The following SUCLG2 variants were observed in gnomAD, a reference collection of about 807,000 sequenced individuals.
SUCLG2 encodes succinate--CoA ligase [GDP-forming] subunit beta, mitochondrial.
A neutral mutation model predicts 47.9 loss-of-function variants in SUCLG2; 42 were observed. That is an observed-to-expected ratio of 0.88 (90% CI 0.69 to 1.14). The LOEUF is 1.14. Among genes scored for constraint, SUCLG2 ranks in the 50% most tolerant of loss-of-function variants. The pLI is 0.00. For synonymous variants in SUCLG2, 195 were observed against 197.3 expected (o/e 0.99, Z 0.10); for missense variants, 571 against 525.9 (o/e 1.09, Z -0.84).
intron 2 of SUCLG2, among the ~76,000 whole-genome samples, chr3:67,563,053 CTATT>C (rs1218357528): frequency 6.7e-6 from 1 of 149,722 alleles, no homozygotes; most frequent in African/African-American, 2.4e-5. Context: ...GATTTACATT[CTATT>C]TATTATTTTA....
chr3:67,434,368 A>T (rs13069994), intron 9 of SUCLG2, among the ~76,000 whole-genome samples: 5,108 of 152,276 alleles, frequency 0.034, 113 homozygotes, highest in African/African-American at 0.058. Context: ...TCTACAAAAA[A>T]TGAAAAACAT....
rs537539869 is a variant in SUCLG2, at chr3:67,607,190, T to C, written c.226+2265A>G. ...CATGCAAATCCTTCTAGTGTCCAAATGTGCACTGTCCTAGATGGTAGCCAC... is the reference window on the plus strand; with the variant it reads ...CATGCAAATCCTTCTAGTGTCCAAACGTGCACTGTCCTAGATGGTAGCCAC... On this transcript the variant is annotated intron_variant, in intron 2 of 10. Coordinates refer to ENST00000307227, the MANE Select transcript of SUCLG2 (RefSeq NM_003848.4). 1.3e-4 allele frequency among the ~76,000 whole-genome samples: 20 copies of C among 152,278 alleles called. No individual in the cohort carries two copies. The South Asian group carries it at 2.7e-3, about 21-fold the overall frequency.
rs750956324 is a variant in SUCLG2, at chr3:67,446,417, A to ATTT, written c.1063-45569_1063-45567dup. On this transcript the variant is annotated intron_variant, in intron 9 of 10. Transcript: ENST00000307227. ...GGTATCTAAATATGTACATATGTAC[A>ATTT]TTTTTTTTTTTTTTTTTTTTTTTTT... is the stretch of plus-strand genomic sequence containing the variant. Among the ~76,000 whole-genome samples the ATTT allele has an allele frequency of 6.8e-4, 22 of 32,196 alleles. 2 individuals are homozygous for ATTT. The highest frequency in any genetic ancestry group is 1.6e-3 in the African/African-American group (12 of 7,662). 21.1% of individuals were successfully genotyped at this position (32,196 alleles called of 152,430 possible).
Position 67,615,017 on chromosome 3 carries a change from G to T in SUCLG2, c.85-5421C>A, listed in dbSNP as rs143900375. Among the ~76,000 whole-genome samples, 216 of 152,200 alleles carry T rather than the reference G, an allele frequency of 1.4e-3. 3 individuals are homozygous for T. Among genetic ancestry groups the T allele is most frequent in the African/African-American group, 5.1e-3 (210 of 41,518 alleles). Reference sequence around the variant, plus strand: ...CCTTGCCATCATTCCCTTCCTTCCTGCGTTTCTTTGATAGAGCAAACATTT... The same window carrying T: ...CCTTGCCATCATTCCCTTCCTTCCTTCGTTTCTTTGATAGAGCAAACATTT... On this transcript the variant is annotated intron_variant, in intron 1 of 10. Transcript: ENST00000307227.
At chr3:67,642,192 T>C (rs1701113358) in intron 1 of SUCLG2, among the ~76,000 whole-genome samples, 1 of 152,174 alleles carries the variant, frequency 6.6e-6, no homozygotes, top group Admixed American at 6.5e-5. Context: ...ATTCCACCCA[T>C]TATCAGGCAT....
chr3:67,398,671 G>T (rs572573739), intron 10 of SUCLG2, among the ~76,000 whole-genome samples: 1 of 152,220 alleles, frequency 6.6e-6, no homozygotes, highest in African/African-American at 2.4e-5. Flanking sequence ...CCATTACTGG[G>T]TATATACCCA....
chr3:67,394,006 C>T (rs1020384169), intron 10 of SUCLG2, among the ~76,000 whole-genome samples: 7 of 151,962 alleles, frequency 4.6e-5, no homozygotes, highest in African/African-American at 9.7e-5. Flanking sequence ...GACATCCACA[C>T]CAAAAACCCA....
At chr3:67,442,008 CTTTCT>C (rs1434741757) in intron 9 of SUCLG2, among the ~76,000 whole-genome samples, 3 of 147,516 alleles carry the variant, frequency 2.0e-5, no homozygotes, top group Non-Finnish European at 4.5e-5. Flanking sequence ...TGTCTACTTT[CTTTCT>C]TTTTTTTTTT....
At chr3:67,399,080 G>A (rs1192280537) in intron 10 of SUCLG2, among the ~76,000 whole-genome samples, 1 of 150,222 alleles carries the variant, frequency 6.7e-6, no homozygotes, top group Non-Finnish European at 1.5e-5. Flanking sequence ...TAAATGACGA[G>A]TTAATCGGTG....
intron 9 of SUCLG2, among the ~76,000 whole-genome samples, chr3:67,476,005 C>CTCTCTCTCTCTCTCT (rs1553648322): frequency 7.2e-5 from 11 of 152,046 alleles, no homozygotes; most frequent in African/African-American, 2.4e-4. Flanking sequence ...CTCTCTCTCT[C>CTCTCTCTCTCTCTCT]TCTCTCTCAC....
intron 9 of SUCLG2, among the ~76,000 whole-genome samples, chr3:67,428,063 C>T (rs1038619215): frequency 6.6e-6 from 1 of 152,204 alleles, no homozygotes; most frequent in Non-Finnish European, 1.5e-5. Context: ...CAAAAGGCAG[C>T]AGGAACTTCT....
chr3:67,565,045 G>A (rs1707413240), intron 2 of SUCLG2, among the ~76,000 whole-genome samples: 1 of 151,588 alleles, frequency 6.6e-6, no homozygotes, highest in Non-Finnish European at 1.5e-5. Context: ...TTAAAGTAAT[G>A]AGTGAGTGAC....
rs193050908 is a variant in SUCLG2 at position 67,374,907 on chromosome 3, G to C, written c.*837C>G. 8.1e-6 allele frequency: 8 copies of C among 985,290 alleles called. No homozygotes were observed. The East Asian group carries it at 3.4e-4, about 42-fold the overall frequency. 61.0% of individuals were successfully genotyped at this position (985,290 alleles called of 1,614,324 possible). Reference sequence around the variant, plus strand: ...GATTCTGGGAGGATGAGGAGTAAGAGAGAAACGAGGAGAGAAGATAGTGAT... The same window carrying C: ...GATTCTGGGAGGATGAGGAGTAAGACAGAAACGAGGAGAGAAGATAGTGAT... On this transcript the variant is annotated 3_prime_UTR_variant, in exon 11 of 11. Coordinates refer to ENST00000307227, the MANE Select transcript of SUCLG2 (RefSeq NM_003848.4).
intron 1 of SUCLG2, among the ~76,000 whole-genome samples, chr3:67,623,784 A>G (rs1022125158): frequency 1.3e-5 from 2 of 152,234 alleles, no homozygotes; most frequent in African/African-American, 4.8e-5. Flanking sequence ...GAGCTTGCAC[A>G]CTAAGCGGGT....
At chr3:67,450,436 A>G (rs1251907426) in intron 9 of SUCLG2, among the ~76,000 whole-genome samples, 1 of 152,170 alleles carries the variant, frequency 6.6e-6, no homozygotes. Context: ...GCACCAAGAG[A>G]CTTTCTTGAG....
At chr3:67,534,814 TCATTC>T (rs1706498409) in intron 2 of SUCLG2, among the ~76,000 whole-genome samples, 2 of 113,898 alleles carry the variant, frequency 1.8e-5, no homozygotes, top group South Asian at 5.9e-4. Flanking sequence ...CCATGTGACA[TCATTC>T]AACACCTGTA....
chr3:67,434,779 A>C lies in SUCLG2; in HGVS notation c.1063-33928T>G, dbSNP rs368734904. ...ATATATATGTGACTATGTATACCAC[A>C]TAGCAACATGAGATGCAATGAGTTC... On this transcript the variant is annotated intron_variant, in intron 9 of 10. Coordinates refer to ENST00000307227, the MANE Select transcript of SUCLG2 (RefSeq NM_003848.4). Among the ~76,000 whole-genome samples the C allele has an allele frequency of 1.3e-5, 2 of 152,334 alleles. 1 individual carries two copies. Among genetic ancestry groups the C allele is most frequent in the African/African-American group, 4.8e-5 (2 of 41,572 alleles).
intron 2 of SUCLG2, among the ~76,000 whole-genome samples, chr3:67,529,524 T>A (rs1020971710): frequency 3.9e-5 from 6 of 152,178 alleles, no homozygotes; most frequent in Non-Finnish European, 7.3e-5. Context: ...TACTGTGTAA[T>A]GGCACTCCCA....
In SUCLG2 at chr3:67,500,392, A is replaced by C. The variant is rs72923169; in HGVS notation, c.758-2097T>G. On this transcript the variant is annotated intron_variant, in intron 7 of 10. Coordinates refer to ENST00000307227, the MANE Select transcript of SUCLG2 (RefSeq NM_003848.4). ...TATATATATAGACCGCACATGACTT[A>C]AAGTAGCACTGAGCGACAAGAGAGA... Among the ~76,000 whole-genome samples the C allele has an allele frequency of 5.7e-4, 87 of 152,370 alleles. 1 individual carries two copies. Among genetic ancestry groups the C allele is most frequent in the African/African-American group, 1.9e-3 (79 of 41,592 alleles).
Sources: allele counts gnomAD v4.1 joint callset (sites outside exome capture counted in the v4.1 genomes callset), GRCh38; gene constraint gnomAD v4.1.1; transcripts MANE v1.5; gene names NCBI Gene and HGNC (gene_info 2026-07-23, HGNC 2026-07-21).